Variants in PDE1A observed in about 807,000 individuals in gnomAD.
The protein encoded by PDE1A is phosphodiesterase 1A.
PDE1A carries 35 observed loss-of-function variants against 61.7 expected under a neutral mutation model. The observed-to-expected ratio is 0.57, with a 90% confidence interval of 0.43 to 0.75. PDE1A has a LOEUF of 0.75. Among genes scored for constraint, PDE1A ranks in the 30% least tolerant of loss-of-function variants. PDE1A has a pLI of 0.00. For synonymous variants in PDE1A, 232 were observed against 213.2 expected, an observed-to-expected ratio of 1.09 and a Z score of -0.77; for missense variants, 597 against 630.6, an observed-to-expected ratio of 0.95 and a Z score of 0.57.
At chr2:182,144,643 A>G (rs1690399312), downstream of PDE1A, among the ~76,000 whole-genome samples, 1 of 151,974 alleles carries the variant, frequency 6.6e-6, no homozygotes, top group East Asian at 1.9e-4. Flanking sequence ...TTTCAGAGAC[A>G]TGGCCAGGCT....
intron 1 of PDE1A, among the ~76,000 whole-genome samples, chr2:182,381,895 T>C (rs1700759677): frequency 6.6e-6 from 1 of 152,008 alleles, no homozygotes; most frequent in African/African-American, 2.4e-5. Context: ...ATGTTTTAAT[T>C]TTTATTTTAT....
chr2:182,709,157 G>A, the PDE1A span, among the ~76,000 whole-genome samples: 1 of 128,252 alleles, frequency 7.8e-6, no homozygotes, highest in Non-Finnish European at 1.6e-5. Flanking sequence ...ATCTTTTGAG[G>A]AATTCTTTTT....
intron 7 of PDE1A, among the ~76,000 whole-genome samples, chr2:182,219,157 A>C (rs1688507287): frequency 6.6e-6 from 1 of 152,108 alleles, no homozygotes; most frequent in African/African-American, 2.4e-5. Context: ...TAAAATTAAG[A>C]TAGAAAAGTC....
chr2:182,626,191 A>T, the PDE1A span, among the ~76,000 whole-genome samples: 15 of 152,284 alleles, frequency 9.9e-5, no homozygotes, highest in African/African-American at 3.4e-4. Context: ...AACAAAAAGC[A>T]AACTTAAACA....
At chr2:182,226,095 G>GA (rs1245691216) in intron 6 of PDE1A, among the ~76,000 whole-genome samples, 8 of 149,298 alleles carry the variant, frequency 5.4e-5, no homozygotes, top group East Asian at 3.9e-4. Context: ...AAAGAAAATG[G>GA]AAAAAAACCA....
At chr2:182,688,292 C>T in the PDE1A span, among the ~76,000 whole-genome samples, 2 of 152,150 alleles carry the variant, frequency 1.3e-5, no homozygotes, top group African/African-American at 2.4e-5. Context: ...GATCCGGTTA[C>T]CCACAAAGGG....
intron 10 of PDE1A, among the ~76,000 whole-genome samples, chr2:182,190,955 C>A (rs1467236933): frequency 2.0e-5 from 3 of 151,392 alleles, no homozygotes; most frequent in African/African-American, 7.3e-5. Context: ...GACTCCATCC[C>A]CCCAAAAAAA....
chr2:182,296,883 C>A (rs1214539106), intron 1 of PDE1A, among the ~76,000 whole-genome samples: 1 of 152,190 alleles, frequency 6.6e-6, no homozygotes, highest in Non-Finnish European at 1.5e-5. Context: ...AAGGAACTCA[C>A]CCCTTTTTTC....
At chr2:182,170,588 G>A (rs1310932216) in intron 13 of PDE1A, among the ~76,000 whole-genome samples, 1 of 151,968 alleles carries the variant, frequency 6.6e-6, no homozygotes, top group Admixed American at 6.6e-5. Flanking sequence ...GAAAAGAAAT[G>A]AGAAAGTTAG....
chr2:182,687,411 C>G, the PDE1A span, among the ~76,000 whole-genome samples: 1 of 152,184 alleles, frequency 6.6e-6, no homozygotes, highest in Admixed American at 6.5e-5. Context: ...CTGCTGATAC[C>G]CAGGCAAACA....
chr2:182,628,937 T>C, the PDE1A span, among the ~76,000 whole-genome samples: 34 of 152,230 alleles, frequency 2.2e-4, no homozygotes, highest in South Asian at 6.2e-3. Context: ...AGTCTTGTGA[T>C]TGTATTTCAT....
At chr2:182,558,164 C>A in the PDE1A span, among the ~76,000 whole-genome samples, 1 of 151,548 alleles carries the variant, frequency 6.6e-6, no homozygotes, top group Admixed American at 6.6e-5. Context: ...AGTTTGGCAT[C>A]CTTCTGTTAT....
At chr2:182,157,194 T>C (rs1171148682) in intron 13 of PDE1A, among the ~76,000 whole-genome samples, 16 of 151,904 alleles carry the variant, frequency 1.1e-4, no homozygotes, top group Admixed American at 1.1e-3. Context: ...TTTGTATTTT[T>C]AGTAGAGACA....
chr2:182,579,430 T>C, the PDE1A span, among the ~76,000 whole-genome samples: 1 of 152,232 alleles, frequency 6.6e-6, no homozygotes, highest in Non-Finnish European at 1.5e-5. Context: ...CACTCTGCTA[T>C]AGAGTTCAGT....
the PDE1A span, among the ~76,000 whole-genome samples, chr2:182,671,142 G>C: frequency 1.3e-5 from 2 of 151,522 alleles, no homozygotes; most frequent in Non-Finnish European, 2.9e-5. Context: ...TAAACTCCCA[G>C]GTGATGGTTA....
chr2:182,569,262 T>G, the PDE1A span, among the ~76,000 whole-genome samples: 1 of 147,874 alleles, frequency 6.8e-6, no homozygotes, highest in African/African-American at 2.6e-5. Flanking sequence ...CAAATATATA[T>G]ATATATATAT....
chr2:182,589,982 A>T, the PDE1A span, among the ~76,000 whole-genome samples: 1 of 152,154 alleles, frequency 6.6e-6, no homozygotes, highest in African/African-American at 2.4e-5. Context: ...AATTTCTACA[A>T]CTAAAACTCG....
chr2:182,294,363 CT>C (rs1694735878), intron 1 of PDE1A, among the ~76,000 whole-genome samples: 1 of 152,060 alleles, frequency 6.6e-6, no homozygotes. Context: ...TTAATTTTAG[CT>C]TTTTATTGGA....
Position 182,310,385 on chromosome 2 carries a change from A to T in PDE1A, c.54-45971T>A, listed in dbSNP as rs571812108. Among the ~76,000 whole-genome samples, 9 of 152,342 alleles carry T rather than the reference A, an allele frequency of 5.9e-5. No individual in the cohort carries two copies. The East Asian group carries it at 1.7e-3, about 29-fold the overall frequency. On this transcript the variant is annotated intron_variant, in intron 1 of 13. Coordinates refer to ENST00000351439, the Ensembl canonical transcript of PDE1A. ...GAGGAAATAGCAAAGGTCAAAAGTT[A>T]TGGAAAAACTTTGAACGTTGAAGGG...
Sources: gnomAD v4.1 joint callset for allele counts (sites outside exome capture counted in the v4.1 genomes callset) on GRCh38, gnomAD v4.1.1 for gene constraint, MANE v1.5 for transcripts, NCBI Gene and HGNC (gene_info 2026-07-23, HGNC 2026-07-21) for gene names.